The following WWOX variants were observed in gnomAD, a reference collection of about 807,000 sequenced individuals.
WWOX encodes the protein WW domain containing oxidoreductase.
Under a neutral mutation model 46.2 loss-of-function variants are expected in WWOX, and 69 were observed. The ratio of observed to expected loss-of-function variants is 1.49; its 90% confidence interval spans 1.23 to 1.82. The LOEUF is 1.82. WWOX is among the 40% of genes most tolerant of loss of function. The pLI, the probability that WWOX is intolerant of heterozygous loss-of-function variation, is 0.00. For synonymous variants in WWOX, 359 were observed against 202.6 expected, an observed-to-expected ratio of 1.77 and a Z score of -6.56; for missense variants, 919 against 542.6, an observed-to-expected ratio of 1.69 and a Z score of -6.89.
chr16:79,000,298 C>T (rs1378270588), intron 8 of WWOX, among the ~76,000 whole-genome samples: 4 of 152,078 alleles, frequency 2.6e-5, no homozygotes, highest in South Asian at 2.1e-4. Context: ...TAATGAGCCC[C>T]GAAGATGTCC....
intron 8 of WWOX, among the ~76,000 whole-genome samples, chr16:78,621,592 CT>C (rs34182797): frequency 4.5e-3 from 142 of 31,512 alleles, no homozygotes; most frequent in Non-Finnish European, 5.9e-3. Context: ...TTGTTCTAAT[CT>C]TTTTTTTTTT....
At chr16:78,366,434 T>G (rs953515060) in intron 5 of WWOX, among the ~76,000 whole-genome samples, 3 of 152,198 alleles carry the variant, frequency 2.0e-5, no homozygotes, top group African/African-American at 7.2e-5. Context: ...ACAGACACTC[T>G]AAGGAATGGC....
At chr16:79,170,355 A>G (rs768619063) in intron 8 of WWOX, among the ~76,000 whole-genome samples, 3 of 152,210 alleles carry the variant, frequency 2.0e-5, no homozygotes, top group Non-Finnish European at 4.4e-5. Flanking sequence ...AGTAGCAAAG[A>G]TGGAATTTGA....
chr16:78,657,874 G>A (rs983971447), intron 8 of WWOX, among the ~76,000 whole-genome samples: 2 of 152,048 alleles, frequency 1.3e-5, no homozygotes, highest in Non-Finnish European at 2.9e-5. Context: ...CTGGAGTAGT[G>A]TGCAGAGCCT....
intron 5 of WWOX, among the ~76,000 whole-genome samples, chr16:78,328,327 T>C (rs915234542): frequency 2.0e-5 from 3 of 152,226 alleles, no homozygotes; most frequent in Admixed American, 6.5e-5. Flanking sequence ...TTTGGGTATA[T>C]GTTAACACCT....
chr16:78,100,236 G>T, intron 1 of WWOX: 2 of 1,135,362 alleles, frequency 1.8e-6, no homozygotes, highest in Non-Finnish European at 2.2e-6. Flanking sequence ...TGGGTTGCAG[G>T]GATAGGAGTT....
chr16:78,566,795 C>T (rs1204620134), intron 8 of WWOX, among the ~76,000 whole-genome samples: 38 of 152,120 alleles, frequency 2.5e-4, no homozygotes, highest in Non-Finnish European at 7.3e-5. Context: ...CGATAGAGTA[C>T]CAAGAACATG....
chr16:78,628,441 TCTATCAAG>T (rs2046357204), intron 8 of WWOX, among the ~76,000 whole-genome samples: 2 of 152,218 alleles, frequency 1.3e-5, no homozygotes, highest in South Asian at 4.1e-4. Context: ...AATCAGTATT[TCTATCAAG>T]CTCCCAAGGG....
intron 5 of WWOX, among the ~76,000 whole-genome samples, chr16:78,325,092 C>T (rs1440186183): frequency 2.0e-5 from 3 of 152,184 alleles, no homozygotes; most frequent in Admixed American, 1.3e-4. Flanking sequence ...GTCTCTGTAA[C>T]AGCCTGGGAG....
At chr16:78,825,590 G>T (rs572576736) in intron 8 of WWOX, 2 of 534,732 alleles carry the variant, frequency 3.7e-6, no homozygotes, top group Non-Finnish European at 7.5e-6. Flanking sequence ...GGTCGAGTCT[G>T]CAGTACAAAC....
intron 8 of WWOX, among the ~76,000 whole-genome samples, chr16:78,781,894 G>A (rs988753595): frequency 6.6e-6 from 1 of 152,192 alleles, no homozygotes; most frequent in African/African-American, 2.4e-5. Context: ...TCCATGCAAT[G>A]TTCACAGGTC....
intron 8 of WWOX, among the ~76,000 whole-genome samples, chr16:78,481,375 G>C (rs993150905): frequency 2.0e-5 from 3 of 152,096 alleles, no homozygotes; most frequent in African/African-American, 7.2e-5. Context: ...CTGCCTACTA[G>C]AAGGATATCC....
At chr16:78,350,238 G>C (rs2081160849) in intron 5 of WWOX, among the ~76,000 whole-genome samples, 2 of 121,178 alleles carry the variant, frequency 1.7e-5, no homozygotes, top group South Asian at 4.9e-4. Flanking sequence ...TTTATTACTA[G>C]AAATTCTTAG....
chr16:78,739,029 C>T (rs1233597956), intron 8 of WWOX, among the ~76,000 whole-genome samples: 1 of 152,100 alleles, frequency 6.6e-6, no homozygotes, highest in Non-Finnish European at 1.5e-5. Flanking sequence ...CCATGGTTTC[C>T]TGGTTGGATA....
intron 8 of WWOX, among the ~76,000 whole-genome samples, chr16:78,861,019 C>T (rs1401239399): frequency 1.3e-5 from 2 of 151,994 alleles, no homozygotes; most frequent in African/African-American, 4.8e-5. Context: ...GGGGTTTTGC[C>T]ATGTTTCCTA....
At chr16:78,687,046 C>G (rs1460916795) in intron 8 of WWOX, among the ~76,000 whole-genome samples, 1 of 152,040 alleles carries the variant, frequency 6.6e-6, no homozygotes, top group Non-Finnish European at 1.5e-5. Flanking sequence ...GAGTAGGGAT[C>G]ATTAAGGAGT....
At chr16:78,849,995 C>T (rs552939091) in intron 8 of WWOX, among the ~76,000 whole-genome samples, 2 of 152,116 alleles carry the variant, frequency 1.3e-5, no homozygotes, top group East Asian at 3.9e-4. Context: ...TAGCTTGAAC[C>T]TGGGAGATGG....
intron 5 of WWOX, among the ~76,000 whole-genome samples, chr16:78,249,977 G>A (rs1358040235): frequency 6.6e-6 from 1 of 152,180 alleles, no homozygotes; most frequent in African/African-American, 2.4e-5. Flanking sequence ...CAGGTCCCCA[G>A]TGAGCGGCTG....
intron 5 of WWOX, among the ~76,000 whole-genome samples, chr16:78,180,620 C>T (rs2035501641): frequency 6.7e-6 from 1 of 149,428 alleles, no homozygotes; most frequent in Non-Finnish European, 1.5e-5. Context: ...TTGCACCTGG[C>T]AGTTGGGGCA....
Sources: allele counts gnomAD v4.1 joint callset (sites outside exome capture counted in the v4.1 genomes callset), GRCh38; gene constraint gnomAD v4.1.1; transcripts MANE v1.5; gene names NCBI Gene and HGNC (gene_info 2026-07-23, HGNC 2026-07-21).